MCPH1: variants seen among roughly 807,000 people sequenced by gnomAD.
The protein encoded by MCPH1 is microcephalin 1.
In MCPH1, 104 loss-of-function variants were observed where a neutral mutation model predicts 84.5. The ratio of observed to expected loss-of-function variants is 1.23; its 90% CI spans 1.05 to 1.45. MCPH1 has a LOEUF of 1.45. Among genes scored for constraint, MCPH1 ranks in the 40% most tolerant of loss-of-function variants. MCPH1 has a pLI of 0.00. For synonymous variants in MCPH1, 514 were observed against 366.8 expected (o/e 1.40, Z -4.58); for missense variants, 1,498 against 1,005.7 (o/e 1.49, Z -6.62).
At chr8:6,550,565 G>T (rs565110795) in intron 12 of MCPH1, among the ~76,000 whole-genome samples, 11 of 152,220 alleles carry the variant, frequency 7.2e-5, no homozygotes, top group Non-Finnish European at 1.5e-4. Context: ...CGGGGTGAGG[G>T]GTGTGCTTCT....
chr8:6,472,180 A>C (rs1807807944), intron 9 of MCPH1, among the ~76,000 whole-genome samples: 1 of 152,248 alleles, frequency 6.6e-6, no homozygotes, highest in African/African-American at 2.4e-5. Context: ...AATAGTCCCA[A>C]GACATAATAT....
rs562954265 is a variant in MCPH1, at chr8:6,436,070, A to T, written c.344A>T (p.Asp115Val). ...KKKRKCMQPK[D>V]FNFKTPENDK... ...CAGCGTAAATGTATGCAGCCCAAAG[A>T]TTTTAATTTTAAAACACCAGAAAAT... Residue 115 changes from aspartate to valine, a missense_variant, in exon 5 of 14, where the codon GAT (aspartate) becomes GTT (valine). By Grantham distance (152) the Asp-to-Val change is radical (BLOSUM62 -3). Coordinates refer to ENST00000344683, the MANE Select transcript of MCPH1 (RefSeq NM_024596.5). The T allele has an allele frequency of 8.1e-6, 13 of 1,613,848 alleles. No individual in the cohort carries two copies. In the African/African-American group the frequency reaches 1.2e-4, roughly 15 times the overall value.
At chr8:6,461,874 A>T (rs924201088) in intron 9 of MCPH1, among the ~76,000 whole-genome samples, 5 of 151,834 alleles carry the variant, frequency 3.3e-5, no homozygotes, top group African/African-American at 1.2e-4. Flanking sequence ...CACGAATGTA[A>T]TTTTTTTTTC....
intron 12 of MCPH1, among the ~76,000 whole-genome samples, chr8:6,509,739 C>T (rs1043474879): frequency 6.6e-6 from 1 of 152,166 alleles, no homozygotes; most frequent in Non-Finnish European, 1.5e-5. Flanking sequence ...ATTGAAAATG[C>T]ATGGAATACA....
intron 2 of MCPH1, among the ~76,000 whole-genome samples, chr8:6,413,671 T>C (rs1173937764): frequency 6.6e-6 from 1 of 151,982 alleles, no homozygotes; most frequent in Non-Finnish European, 1.5e-5. Flanking sequence ...TTTTTACTTA[T>C]GTCATCTTTT....
chr8:6,514,854 T>G, intron 12 of MCPH1: 1 of 1,302,590 alleles, frequency 7.7e-7, no homozygotes, highest in South Asian at 1.2e-5. Context: ...AGGAGGAATG[T>G]AGACCCTGAG....
rs1347043843 is a variant in MCPH1, at chr8:6,574,881, C to A, written c.2215-46573C>A. Among the ~76,000 whole-genome samples, 7 of 152,280 alleles carry A rather than the reference C, an allele frequency of 4.6e-5. No homozygotes were observed. The East Asian group carries it at 1.4e-3, about 29-fold the overall frequency. ...ATATCCAGGGAGATAGTCACTGAAGCTTTTCCCAAAGTGATGAAAGATATC... is the reference window on the plus strand; with the variant it reads ...ATATCCAGGGAGATAGTCACTGAAGATTTTCCCAAAGTGATGAAAGATATC... On this transcript the variant is annotated intron_variant, in intron 12 of 13. Coordinates refer to ENST00000344683, the MANE Select transcript of MCPH1 (RefSeq NM_024596.5).
Position 6,435,155 on chromosome 8 carries a change from T to G in MCPH1, c.322-893T>G, listed in dbSNP as rs149219877. Among the ~76,000 whole-genome samples, 14 of 152,298 alleles carry G rather than the reference T, an allele frequency of 9.2e-5. No individual in the cohort carries two copies. The East Asian group carries it at 2.1e-3, about 23-fold the overall frequency. On this transcript the variant is annotated intron_variant, in intron 4 of 13. Transcript: ENST00000344683. The stretch of plus-strand genomic sequence containing the variant: ...ACTGGCTGATTGGAGTTACTGTGAT[T>G]TAATGACGGTAGGGCAAGCATAATC...
chr8:6,415,025 C>T, intron 3 of MCPH1, 142 bp downstream of exon 3: 1 of 778,262 alleles, frequency 1.3e-6, no homozygotes, highest in Non-Finnish European at 2.0e-6. Flanking sequence ...AATTTGAAAT[C>T]CTCCAGCCTC....
chr8:6,453,851 TGAGTCTC>T (rs1805377896), intron 8 of MCPH1, among the ~76,000 whole-genome samples: 1 of 152,154 alleles, frequency 6.6e-6, no homozygotes, highest in African/African-American at 2.4e-5. Flanking sequence ...GTGACTGGTT[TGAGTCTC>T]GAGTGGATTC....
chr8:6,635,688 G>A (rs949473149), intron 13 of MCPH1, among the ~76,000 whole-genome samples: 1 of 152,196 alleles, frequency 6.6e-6, no homozygotes, highest in African/African-American at 2.4e-5. Context: ...TAAGACCATT[G>A]TTAGTGGTGC....
At chr8:6,416,733 C>G (rs1157272185) in intron 3 of MCPH1, among the ~76,000 whole-genome samples, 1 of 152,132 alleles carries the variant, frequency 6.6e-6, no homozygotes, top group Non-Finnish European at 1.5e-5. Flanking sequence ...GTGGCTCACA[C>G]CTGTAATTCC....
At chr8:6,450,671 A>AT (rs1052810234) in intron 8 of MCPH1, among the ~76,000 whole-genome samples, 25 of 151,912 alleles carry the variant, frequency 1.6e-4, no homozygotes, top group African/African-American at 6.0e-4. Flanking sequence ...ATAACCACTC[A>AT]TTTTTGTCAT....
intron 9 of MCPH1, among the ~76,000 whole-genome samples, chr8:6,465,552 T>C (rs1806780108): frequency 6.6e-6 from 1 of 152,170 alleles, no homozygotes; most frequent in African/African-American, 2.4e-5. Context: ...GTTCTCTCAC[T>C]TGTGATAGCC....
chr8:6,423,284 C>T (rs549070105), intron 3 of MCPH1, among the ~76,000 whole-genome samples: 8 of 148,030 alleles, frequency 5.4e-5, no homozygotes, highest in Admixed American at 3.4e-4. Context: ...CCTGCCTCAG[C>T]CTCCTGAGTA....
intron 11 of MCPH1, among the ~76,000 whole-genome samples, chr8:6,491,904 C>G (rs1215653178): frequency 6.6e-6 from 1 of 152,146 alleles, no homozygotes; most frequent in Admixed American, 6.6e-5. Context: ...GGTTCCAAGT[C>G]TTTGCTATTG....
At chr8:6,551,494 G>A (rs1197509504) in intron 12 of MCPH1, among the ~76,000 whole-genome samples, 1 of 152,184 alleles carries the variant, frequency 6.6e-6, no homozygotes, top group East Asian at 1.9e-4. Context: ...TTGAAAATAT[G>A]CAAAATTTCA....
intron 12 of MCPH1, among the ~76,000 whole-genome samples, chr8:6,526,146 A>G (rs1471750854): frequency 1.3e-5 from 2 of 151,536 alleles, no homozygotes; most frequent in Non-Finnish European, 2.9e-5. Flanking sequence ...GACGCCAGGT[A>G]CGGTGGCTCA....
chr8:6,428,445 T>G (rs1801371815), intron 3 of MCPH1, among the ~76,000 whole-genome samples: 1 of 152,204 alleles, frequency 6.6e-6, no homozygotes, highest in Admixed American at 6.5e-5. Flanking sequence ...TTCACAGAGT[T>G]GTGCAACCGT....
Sources: gnomAD v4.1 joint callset for allele counts (sites outside exome capture counted in the v4.1 genomes callset) on GRCh38, gnomAD v4.1.1 for gene constraint, MANE v1.5 for transcripts, NCBI Gene and HGNC (gene_info 2026-07-23, HGNC 2026-07-21) for gene names.